Variants in DCC observed in about 807,000 individuals in gnomAD.
DCC encodes the protein netrin receptor DCC.
Under a neutral mutation model 172.5 loss-of-function variants are expected in DCC, and 58 were observed. That is an observed-to-expected ratio of 0.34 (90% CI 0.27 to 0.42). The LOEUF is 0.42. Among genes scored for constraint, DCC ranks in the 10% least tolerant of loss-of-function variants. The pLI, the probability that DCC is intolerant of heterozygous loss-of-function variation, is 1.00. For synonymous variants in DCC, 709 were observed against 644.5 expected (o/e 1.10, Z -1.52); for missense variants, 1,740 against 1,791.0 (o/e 0.97, Z 0.51).
Position 52,982,341 on chromosome 18 carries a change from GA to G in DCC, c.985+56972del, listed in dbSNP as rs1207481123. 5.9e-5 allele frequency among the ~76,000 whole-genome samples: 9 copies of G among 152,282 alleles called. No individual in the cohort carries two copies. In the East Asian group the frequency reaches 1.7e-3, roughly 29 times the overall value. On this transcript the variant is annotated intron_variant, in intron 5 of 28. Coordinates refer to ENST00000442544, the MANE Select transcript of DCC (RefSeq NM_005215.4). ...GACAAGTAATGAGGGCAATGCAGCA[GA>G]TGACAAATTGAGGATGGTTATGACA... is the stretch of plus-strand genomic sequence containing the variant.
intron 27 of DCC, among the ~76,000 whole-genome samples, chr18:53,510,185 A>C (rs1244407986): frequency 6.6e-6 from 1 of 152,184 alleles, no homozygotes; most frequent in Non-Finnish European, 1.5e-5. Context: ...TGGTACACTG[A>C]AAAGCACTTC....
chr18:53,119,210 G>A (rs979744560), intron 7 of DCC, among the ~76,000 whole-genome samples: 1 of 151,752 alleles, frequency 6.6e-6, no homozygotes, highest in Non-Finnish European at 1.5e-5. Context: ...TGGAAGCTTC[G>A]TTTCATTGGC....
At chr18:52,935,914 C>T (rs1283556584) in intron 5 of DCC, among the ~76,000 whole-genome samples, 1 of 152,060 alleles carries the variant, frequency 6.6e-6, no homozygotes, top group East Asian at 1.9e-4. Context: ...TTACATATAT[C>T]TGTAATTGCC....
chr18:52,394,981 A>C (rs991620011), intron 1 of DCC, among the ~76,000 whole-genome samples: 1 of 152,090 alleles, frequency 6.6e-6, no homozygotes, highest in African/African-American at 2.4e-5. Context: ...CCAGACACAC[A>C]GCCTGCGGGT....
intron 12 of DCC, among the ~76,000 whole-genome samples, chr18:53,229,160 AG>A (rs1568378809): frequency 6.6e-6 from 1 of 152,168 alleles, no homozygotes; most frequent in Non-Finnish European, 1.5e-5. Flanking sequence ...ATTAAATAAA[AG>A]GTTTCCACAC....
intron 2 of DCC, among the ~76,000 whole-genome samples, chr18:52,784,896 G>GGGAGGT (rs2037624575): frequency 6.7e-6 from 1 of 148,976 alleles, no homozygotes; most frequent in African/African-American, 2.5e-5. Context: ...GCAGGTCCTA[G>GGGAGGT]GGAGGTGGAG....
intron 2 of DCC, among the ~76,000 whole-genome samples, chr18:52,862,121 A>G (rs997259572): frequency 2.6e-5 from 4 of 151,710 alleles, no homozygotes; most frequent in African/African-American, 9.8e-5. Flanking sequence ...TATAACTTGA[A>G]TAAAGTTAAC....
intron 1 of DCC, among the ~76,000 whole-genome samples, chr18:52,522,455 C>T (rs940510200): frequency 6.6e-6 from 1 of 152,134 alleles, no homozygotes; most frequent in African/African-American, 2.4e-5. Context: ...CAACACTCTC[C>T]CGAAAATCTC....
chr18:53,018,466 A>C (rs1265095071), intron 5 of DCC, among the ~76,000 whole-genome samples: 1 of 152,164 alleles, frequency 6.6e-6, no homozygotes, highest in African/African-American at 2.4e-5. Context: ...TCTCTTTATC[A>C]GAAATACTTA....
At chr18:52,899,562 T>A (rs934026825) in intron 2 of DCC, among the ~76,000 whole-genome samples, 3 of 151,712 alleles carry the variant, frequency 2.0e-5, no homozygotes, top group African/African-American at 7.3e-5. Flanking sequence ...TCCATGTTGG[T>A]CAGGCTGGTC....
intron 7 of DCC, among the ~76,000 whole-genome samples, chr18:53,100,879 T>A (rs1318835291): frequency 1.1e-4 from 17 of 152,122 alleles, no homozygotes; most frequent in Non-Finnish European, 5.9e-5. Context: ...AGGGCTACCA[T>A]CCTTGCATGT....
intron 22 of DCC, among the ~76,000 whole-genome samples, chr18:53,436,913 C>A (rs1911978620): frequency 1.3e-5 from 2 of 152,160 alleles, no homozygotes; most frequent in Non-Finnish European, 2.9e-5. Flanking sequence ...TGCCTTCCAG[C>A]TGTGTTCTCC....
chr18:52,594,710 G>A (rs893577331), intron 1 of DCC, among the ~76,000 whole-genome samples: 1 of 152,104 alleles, frequency 6.6e-6, no homozygotes, highest in Non-Finnish European at 1.5e-5. Context: ...TTTTACTCAT[G>A]GCAGAAGATG....
chr18:52,497,354 T>TATGTATAC (rs2030833980), intron 1 of DCC, among the ~76,000 whole-genome samples: 1 of 109,936 alleles, frequency 9.1e-6, no homozygotes, highest in Non-Finnish European at 1.9e-5. Flanking sequence ...CATATATATA[T>TATGTATAC]ACACACATAT....
At chr18:53,213,000 G>C (rs1332865408) in intron 11 of DCC, among the ~76,000 whole-genome samples, 1 of 151,968 alleles carries the variant, frequency 6.6e-6, no homozygotes, top group Non-Finnish European at 1.5e-5. Context: ...ACAGAAAACA[G>C]CCCTGATGCT....
intron 12 of DCC, among the ~76,000 whole-genome samples, chr18:53,241,666 G>T (rs1186487453): frequency 6.6e-6 from 1 of 152,156 alleles, no homozygotes; most frequent in Non-Finnish European, 1.5e-5. Context: ...CTGAATGATG[G>T]TGCCTGGGCT....
At chr18:53,160,908 G>A (rs1189289936) in intron 8 of DCC, among the ~76,000 whole-genome samples, 2 of 151,926 alleles carry the variant, frequency 1.3e-5, no homozygotes, top group Non-Finnish European at 2.9e-5. Context: ...TAAAACAACT[G>A]CCTGTACTCT....
chr18:53,377,487 C>A (rs1026983109), intron 15 of DCC, among the ~76,000 whole-genome samples: 5 of 152,048 alleles, frequency 3.3e-5, no homozygotes, highest in Non-Finnish European at 1.5e-5. Flanking sequence ...GAGGCCAGAG[C>A]CCTTGTGACC....
At chr18:53,369,619 A>G (rs112612399) in intron 15 of DCC, among the ~76,000 whole-genome samples, 8 of 151,876 alleles carry the variant, frequency 5.3e-5, no homozygotes, top group African/African-American at 1.7e-4. Flanking sequence ...TTTTTCATAT[A>G]TGACTTTTAT....
Sources: allele counts gnomAD v4.1 joint callset (sites outside exome capture counted in the v4.1 genomes callset), GRCh38; gene constraint gnomAD v4.1.1; transcripts MANE v1.5; gene names NCBI Gene and HGNC (gene_info 2026-07-23, HGNC 2026-07-21).